NBAS: variants seen among roughly 807,000 people sequenced by gnomAD.
The protein encoded by NBAS is NBAS subunit of NRZ tethering complex, also known as NAG/BC035112 fusion.
In NBAS, 219 loss-of-function variants were observed where a neutral mutation model predicts 302.5. The observed-to-expected ratio is 0.72, with a 90% CI of 0.65 to 0.81. The LOEUF is 0.81. Ranked by LOEUF, NBAS falls within the 30% of genes least tolerant of loss-of-function variation. The pLI, the probability that NBAS is intolerant of heterozygous loss-of-function variation, is 0.00. For missense variants in NBAS, 2,932 were observed against 2,841.6 expected (o/e 1.03, Z -0.72); for synonymous variants, 1,118 against 1,021.6 (o/e 1.09, Z -1.80).
At chr2:15,017,209 C>A in the NBAS span, among the ~76,000 whole-genome samples, 36 of 151,918 alleles carry the variant, frequency 2.4e-4, no homozygotes, top group African/African-American at 8.2e-4. Context: ...AACTATAAAA[C>A]CACTAGAAGA....
chr2:15,160,585 CGGGGGGAGG>C, the NBAS span, among the ~76,000 whole-genome samples: 8 of 92,290 alleles, frequency 8.7e-5, 1 homozygote, highest in Non-Finnish European at 1.5e-4. Context: ...CCAGTGTGGG[CGGGGGGAGG>C]GGGGGGGGCA....
At chr2:14,866,039 G>A in the NBAS span, among the ~76,000 whole-genome samples, 3 of 151,904 alleles carry the variant, frequency 2.0e-5, no homozygotes, top group Non-Finnish European at 4.4e-5. Flanking sequence ...ACAGTCTCTC[G>A]GGCCACTACA....
At chr2:14,823,639 T>C in the NBAS span, among the ~76,000 whole-genome samples, 1 of 152,220 alleles carries the variant, frequency 6.6e-6, no homozygotes, top group Admixed American at 6.5e-5. Context: ...TCATTCTTTC[T>C]AAATGAAAAG....
At chr2:14,977,867 T>C in the NBAS span, among the ~76,000 whole-genome samples, 1 of 151,386 alleles carries the variant, frequency 6.6e-6, no homozygotes, top group Non-Finnish European at 1.5e-5. Flanking sequence ...ATAGGGATTG[T>C]TTTTTTTTAA....
chr2:15,294,026 G>A (rs1225975420), intron 40 of NBAS, among the ~76,000 whole-genome samples: 1 of 152,142 alleles, frequency 6.6e-6, no homozygotes, highest in East Asian at 1.9e-4. Context: ...AAGCTACAAG[G>A]CCATCTTTCA....
chr2:15,105,892 T>C, the NBAS span, among the ~76,000 whole-genome samples: 2 of 152,116 alleles, frequency 1.3e-5, no homozygotes, highest in Non-Finnish European at 2.9e-5. Context: ...AAGACTTGTT[T>C]GGAATATAGG....
At chr2:14,781,572 G>T in the NBAS span, among the ~76,000 whole-genome samples, 89 of 152,164 alleles carry the variant, frequency 5.8e-4, 1 homozygote, top group African/African-American at 2.0e-3. Context: ...CAAGGCTGCA[G>T]CAGCCAAGTC....
the NBAS span, among the ~76,000 whole-genome samples, chr2:14,973,886 C>T: frequency 6.6e-6 from 1 of 152,160 alleles, no homozygotes; most frequent in African/African-American, 2.4e-5. Flanking sequence ...CAAGTCCTGA[C>T]AAAATAACTC....
At chr2:15,075,475 G>A in the NBAS span, among the ~76,000 whole-genome samples, 4 of 152,150 alleles carry the variant, frequency 2.6e-5, no homozygotes, top group South Asian at 8.3e-4. Context: ...TCTCATGCTG[G>A]CTGTGTGCCC....
At chr2:15,088,019 A>C in the NBAS span, among the ~76,000 whole-genome samples, 1 of 152,342 alleles carries the variant, frequency 6.6e-6, no homozygotes, top group African/African-American at 2.4e-5. Context: ...AATTGAGAAG[A>C]GACGGGAATG....
intron 32 of NBAS, among the ~76,000 whole-genome samples, chr2:15,357,896 C>CTTTA (rs1673703281): frequency 6.6e-6 from 1 of 152,142 alleles, no homozygotes; most frequent in South Asian, 2.1e-4. Context: ...AATATAACCA[C>CTTTA]TAACCCTGGG....
chr2:15,247,815 T>C (rs1457840738), intron 44 of NBAS, among the ~76,000 whole-genome samples: 1 of 151,742 alleles, frequency 6.6e-6, no homozygotes, highest in African/African-American at 2.4e-5. Flanking sequence ...AGCAAGTTCC[T>C]AGAGACCTAC....
chr2:15,118,237 G>A, the NBAS span, among the ~76,000 whole-genome samples: 1 of 152,166 alleles, frequency 6.6e-6, no homozygotes, highest in Admixed American at 6.5e-5. Flanking sequence ...GCCTGTGACA[G>A]TCATCAATCA....
intron 38 of NBAS, among the ~76,000 whole-genome samples, chr2:15,324,127 A>G (rs901142068): frequency 1.3e-5 from 2 of 152,206 alleles, no homozygotes; most frequent in Admixed American, 1.3e-4. Flanking sequence ...TCAGGGTGCC[A>G]TCGGAGAGCA....
chr2:15,362,645 C>T (rs1048784056), intron 32 of NBAS, among the ~76,000 whole-genome samples: 4 of 152,086 alleles, frequency 2.6e-5, no homozygotes, highest in Admixed American at 6.5e-5. Context: ...AATAAATGCA[C>T]CTATAACACA....
chr2:15,430,857 A>G (rs1235646484), intron 21 of NBAS, among the ~76,000 whole-genome samples: 1 of 151,792 alleles, frequency 6.6e-6, no homozygotes, highest in African/African-American at 2.4e-5. Flanking sequence ...CCCAGTCTGG[A>G]GTGCAGTGGC....
chr2:14,953,440 G>A, the NBAS span, among the ~76,000 whole-genome samples: 12 of 152,350 alleles, frequency 7.9e-5, no homozygotes, highest in African/African-American at 2.4e-4. Context: ...CAAAGCAAAC[G>A]TCTCAGCAGC....
the NBAS span, among the ~76,000 whole-genome samples, chr2:15,159,158 G>GAAATTTTTTAAT: frequency 6.6e-6 from 1 of 152,174 alleles, no homozygotes; most frequent in African/African-American, 2.4e-5. Context: ...ATGCCGGTAG[G>GAAATTTTTTAAT]GACAGGGGGC....
intron 19 of NBAS, among the ~76,000 whole-genome samples, chr2:15,465,109 G>T (rs1679667096): frequency 6.6e-6 from 1 of 152,218 alleles, no homozygotes; most frequent in South Asian, 2.1e-4. Context: ...AAAAAAATGT[G>T]TTGGTATTTC....
Sources: allele counts gnomAD v4.1 joint callset (sites outside exome capture counted in the v4.1 genomes callset), GRCh38; gene constraint gnomAD v4.1.1; transcripts MANE v1.5; gene names NCBI Gene and HGNC (gene_info 2026-07-23, HGNC 2026-07-21).